Variants in RBMS3 observed in about 807,000 individuals in gnomAD.
RBMS3 encodes RNA-binding motif, single-stranded-interacting protein 3.
A neutral mutation model predicts 66.8 loss-of-function variants in RBMS3; 27 were observed. That is an observed-to-expected ratio of 0.40 (90% CI 0.30 to 0.56). The LOEUF is 0.56. Ranked by LOEUF, RBMS3 falls within the 20% of genes least tolerant of loss-of-function variation. RBMS3 has a pLI of 0.40. For synonymous variants in RBMS3, 188 were observed against 183.0 expected (o/e 1.03, Z -0.22); for missense variants, 513 against 549.5 (o/e 0.93, Z 0.66).
chr3:29,351,065 T>A (rs2036883704), intron 1 of RBMS3, among the ~76,000 whole-genome samples: 1 of 152,140 alleles, frequency 6.6e-6, no homozygotes, highest in Admixed American at 6.5e-5. Flanking sequence ...ACTTGCTTAC[T>A]TGATTTCTTC....
chr3:29,442,690 G>A (rs925811578), intron 2 of RBMS3, among the ~76,000 whole-genome samples: 18 of 152,236 alleles, frequency 1.2e-4, no homozygotes, highest in Admixed American at 4.6e-4. Context: ...GGCAAGTTCA[G>A]ATGGCATCCT....
At chr3:29,819,051 A>G (rs1203748723) in intron 6 of RBMS3, among the ~76,000 whole-genome samples, 1 of 152,194 alleles carries the variant, frequency 6.6e-6, no homozygotes, top group Non-Finnish European at 1.5e-5. Context: ...TTGCCACCCA[A>G]CAAGATAAAA....
intron 8 of RBMS3, among the ~76,000 whole-genome samples, chr3:29,894,576 T>C (rs1260426018): frequency 6.6e-6 from 1 of 151,524 alleles, no homozygotes; most frequent in Non-Finnish European, 1.5e-5. Context: ...CACGCTTATG[T>C]CCTCATTTAA....
chr3:29,375,676 G>T (rs777241943), intron 1 of RBMS3, among the ~76,000 whole-genome samples: 2 of 152,126 alleles, frequency 1.3e-5, no homozygotes, highest in Non-Finnish European at 2.9e-5. Flanking sequence ...AACCAGAATG[G>T]TTATTATTAA....
At chr3:29,437,493 A>C (rs1383843775) in intron 2 of RBMS3, among the ~76,000 whole-genome samples, 2 of 152,348 alleles carry the variant, frequency 1.3e-5, no homozygotes, top group East Asian at 3.9e-4. Context: ...GATAATAGTT[A>C]CTTGTTCATA....
At chr3:29,740,040 CTAAA>C (rs2054567908) in intron 5 of RBMS3, 163 bp downstream of exon 5, 2 of 510,350 alleles carry the variant, frequency 3.9e-6, no homozygotes, top group Non-Finnish European at 6.5e-6. Context: ...TTGCTTGGAG[CTAAA>C]TAATTTCAAT....
At chr3:29,882,687 C>G (rs1390904545) in intron 7 of RBMS3, among the ~76,000 whole-genome samples, 1 of 151,990 alleles carries the variant, frequency 6.6e-6, no homozygotes, top group Non-Finnish European at 1.5e-5. Context: ...ACATCAGGCC[C>G]TCTGTTAGAA....
chr3:29,817,726 A>G (rs1377365889), intron 6 of RBMS3, among the ~76,000 whole-genome samples: 2 of 152,096 alleles, frequency 1.3e-5, no homozygotes, highest in African/African-American at 2.4e-5. Flanking sequence ...GGAAGATTAT[A>G]TTACTAGTGG....
chr3:29,482,701 CTT>C (rs755520785), intron 2 of RBMS3, among the ~76,000 whole-genome samples: 18 of 77,504 alleles, frequency 2.3e-4, no homozygotes, highest in Admixed American at 5.8e-4. Flanking sequence ...TTCTTTCTTT[CTT>C]TTTTTTTTTT....
chr3:29,725,502 G>A (rs953454513), intron 4 of RBMS3, among the ~76,000 whole-genome samples: 1 of 151,626 alleles, frequency 6.6e-6, no homozygotes, highest in Non-Finnish European at 1.5e-5. Flanking sequence ...AAAGAGAGAA[G>A]AATAAAATAG....
At chr3:29,420,010 G>A (rs747981243) in intron 1 of RBMS3, among the ~76,000 whole-genome samples, 43 of 152,178 alleles carry the variant, frequency 2.8e-4, no homozygotes, top group Non-Finnish European at 5.0e-4. Context: ...TGCTTAAGAT[G>A]TAGTCAATTT....
At chr3:29,976,529 C>T (rs1462262640) in intron 12 of RBMS3, among the ~76,000 whole-genome samples, 1 of 152,016 alleles carries the variant, frequency 6.6e-6, no homozygotes, top group African/African-American at 2.4e-5. Flanking sequence ...ATTCCACTGA[C>T]AGAAGTAGAA....
chr3:29,981,044 T>C (rs1040095773), intron 12 of RBMS3, among the ~76,000 whole-genome samples: 9 of 152,248 alleles, frequency 5.9e-5, no homozygotes, highest in African/African-American at 2.2e-4. Flanking sequence ...TTCATGATAT[T>C]GATTCTTCCT....
intron 6 of RBMS3, among the ~76,000 whole-genome samples, chr3:29,866,999 C>T (rs1283556971): frequency 6.6e-6 from 1 of 151,998 alleles, no homozygotes; most frequent in Non-Finnish European, 1.5e-5. Flanking sequence ...CAATGGTGAC[C>T]CCTGTCTCTT....
intron 4 of RBMS3, among the ~76,000 whole-genome samples, chr3:29,709,955 T>C (rs1313417137): frequency 1.3e-5 from 2 of 152,194 alleles, no homozygotes; most frequent in Non-Finnish European, 2.9e-5. Context: ...AGTGAAGGAA[T>C]AGCTGAAAGA....
intron 3 of RBMS3, among the ~76,000 whole-genome samples, chr3:29,523,398 T>C (rs2044945293): frequency 6.6e-6 from 1 of 152,216 alleles, no homozygotes; most frequent in African/African-American, 2.4e-5. Context: ...TTTTTTTGTT[T>C]TTAATGTTTC....
chr3:29,790,787 A>T (rs932216997), intron 6 of RBMS3, among the ~76,000 whole-genome samples: 1 of 152,186 alleles, frequency 6.6e-6, no homozygotes, highest in Admixed American at 6.5e-5. Context: ...AAATGCTGAG[A>T]TTTTTAAAGT....
rs561323165 is a variant in RBMS3 at position 29,502,317 on chromosome 3, T to C, written c.307+13818T>C. On this transcript the variant is annotated intron_variant, in intron 3 of 14. Transcript: ENST00000383767. ...GCTGTGAAATGTGTCAAACATCAAA[T>C]GGTCATCCAAACCTAAGTCTGTCTA... 8.5e-4 allele frequency among the ~76,000 whole-genome samples: 129 copies of C among 152,190 alleles called. 1 individual carries two copies. Among genetic ancestry groups the C allele is most frequent in the African/African-American group, 2.9e-3 (122 of 41,554 alleles).
chr3:29,909,196 A>C (rs2060458788), intron 10 of RBMS3, among the ~76,000 whole-genome samples: 1 of 152,166 alleles, frequency 6.6e-6, no homozygotes, highest in South Asian at 2.1e-4. Flanking sequence ...ATTGAAGTAC[A>C]ACTTTCACGC....
Sources: gnomAD v4.1 joint callset for allele counts (sites outside exome capture counted in the v4.1 genomes callset) on GRCh38, gnomAD v4.1.1 for gene constraint, MANE v1.5 for transcripts, NCBI Gene and HGNC (gene_info 2026-07-23, HGNC 2026-07-21) for gene names.